Variants in CRTC3 observed in about 807,000 individuals in gnomAD.
The protein encoded by CRTC3 is CREB-regulated transcription coactivator 3.
CRTC3 carries 26 observed loss-of-function variants against 74.5 expected under a neutral mutation model. That is an observed-to-expected ratio of 0.35 (90% confidence interval 0.26 to 0.48). The LOEUF (loss-of-function observed/expected upper bound fraction) is 0.48, where lower values mean the gene tolerates loss of function less well. Among genes scored for constraint, CRTC3 ranks in the 20% least tolerant of loss-of-function variants. CRTC3 has a pLI of 0.99. For synonymous variants in CRTC3, 377 were observed against 325.8 expected (o/e 1.16, Z -1.69); for missense variants, 760 against 787.3 (o/e 0.97, Z 0.41).
chr15:90,629,604 T>C, intron 11 of CRTC3, 72 bp downstream of exon 11: 2 of 1,501,276 alleles, frequency 1.3e-6, no homozygotes, highest in Non-Finnish European at 1.8e-6. Flanking sequence ...ATTCCTCCTC[T>C]TTACTATTTT....
chr15:90,603,260 G>A lies in CRTC3; in HGVS notation c.413+875G>A, dbSNP rs189491601. Reference sequence around the variant, plus strand: ...AGATCGAGACCATCCTCGCTAACACGGTGAAACCCCGTCTCCACTAAAAAT... The same window carrying A: ...AGATCGAGACCATCCTCGCTAACACAGTGAAACCCCGTCTCCACTAAAAAT... On this transcript the variant is annotated intron_variant, in intron 4 of 14. Transcript: ENST00000268184. Among the ~76,000 whole-genome samples the A allele has an allele frequency of 5.8e-3, 868 of 149,328 alleles. 13 individuals carry two copies. Among genetic ancestry groups the A allele is most frequent in the African/African-American group, 0.019 (762 of 40,558 alleles).
intron 2 of CRTC3, among the ~76,000 whole-genome samples, chr15:90,548,510 T>C (rs533123904): frequency 2.6e-5 from 4 of 152,372 alleles, no homozygotes; most frequent in African/African-American, 9.6e-5. Flanking sequence ...ATCATGTCTT[T>C]GACTTCCAGT....
rs75300073 is a variant in CRTC3, at chr15:90,553,923, G to A, written c.231+13786G>A. 9.5e-3 allele frequency among the ~76,000 whole-genome samples: 1,443 copies of A among 152,272 alleles called. 20 individuals carry two copies. Among genetic ancestry groups the A allele is most frequent in the African/African-American group, 0.033 (1,376 of 41,534 alleles). ...GTACTAAAGTGACAACATATACTTT[G>A]CCTTAAAATATTATGGCAGAAGCTT... On this transcript the variant is annotated intron_variant, in intron 2 of 14. Coordinates refer to ENST00000268184, the MANE Select transcript of CRTC3 (RefSeq NM_022769.5).
At position 90,568,359 on chromosome 15, in the gene CRTC3, AT is replaced by A. The variant is rs962561542; in HGVS notation, c.232-25265del. On this transcript the variant is annotated intron_variant, in intron 2 of 14. Coordinates refer to ENST00000268184, the MANE Select transcript of CRTC3 (RefSeq NM_022769.5). ...GTAGAGTTCGAGAGGATTGACTCCAATTTTTTTTTTTTAAATAGTCTCGCTC... is the reference window on the plus strand; with the variant it reads ...GTAGAGTTCGAGAGGATTGACTCCAATTTTTTTTTTTAAATAGTCTCGCTC... 8.1e-3 allele frequency among the ~76,000 whole-genome samples: 1,202 copies of A among 148,760 alleles called. 15 individuals are homozygous for A. Among genetic ancestry groups the A allele is most frequent in the African/African-American group, 0.026 (1,039 of 40,710 alleles).
intron 13 of CRTC3, 68 bp downstream of exon 13, chr15:90,638,883 T>C: frequency 7.4e-7 from 1 of 1,352,962 alleles, no homozygotes; most frequent in Non-Finnish European, 1.1e-6. Flanking sequence ...GTTCATTCTG[T>C]AGAATTCAGA....
intron 7 of CRTC3, among the ~76,000 whole-genome samples, chr15:90,615,904 G>A (rs1968480623): frequency 6.6e-6 from 1 of 151,536 alleles, no homozygotes; most frequent in African/African-American, 2.4e-5. Flanking sequence ...CTGTCGCCAG[G>A]CTGGAGTGCA....
intron 1 of CRTC3, among the ~76,000 whole-genome samples, chr15:90,534,335 TGAGGCACATAAGTAGA>T (rs1966682308): frequency 6.6e-6 from 1 of 152,136 alleles, no homozygotes; most frequent in Non-Finnish European, 1.5e-5. Flanking sequence ...GAGGTGCCTG[TGAGGCACATAAGTAGA>T]GATGGTCCAG....
At position 90,644,207 on chromosome 15, in the gene CRTC3, A is replaced by G. The variant is rs1447911917; in HGVS notation, c.*2067A>G. On this transcript the variant is annotated 3_prime_UTR_variant, in exon 15 of 15. Coordinates refer to ENST00000268184, the MANE Select transcript of CRTC3 (RefSeq NM_022769.5). ...ACACTTTCAGATCCCTTTGTGCTCA[A>G]GATCTCAGAGGGGGTGGCTTTTTGT... is the stretch of plus-strand genomic sequence containing the variant. 9 of 228,326 alleles carry G rather than the reference A, an allele frequency of 3.9e-5. No individual in the cohort carries two copies. The highest frequency in any genetic ancestry group is 6.9e-5 in the Non-Finnish European group (8 of 115,134). 14.1% of individuals were successfully genotyped at this position (228,326 alleles called of 1,614,324 possible). A position where few individuals can be genotyped will look rare whatever the true frequency, so the allele number is the denominator to read the frequency against.
chr15:90,616,968 A>G (rs3809583), intron 7 of CRTC3, among the ~76,000 whole-genome samples: 44,746 of 151,768 alleles, frequency 0.29, 7,073 homozygotes, highest in East Asian at 0.55. Context: ...TCCCCATTTC[A>G]TCGTTGTTGC....
chr15:90,626,223 C>T (rs1274221797), intron 10 of CRTC3, among the ~76,000 whole-genome samples: 1 of 152,250 alleles, frequency 6.6e-6, no homozygotes, highest in Non-Finnish European at 1.5e-5. Context: ...ATCATCCTCA[C>T]TCGCTGCTCT....
Position 90,541,782 on chromosome 15 carries a change from C to CTTTTTTTTTTTTTTTTTTTTTTTTTT in CRTC3, c.231+1652_231+1653insTTTTTTTTTTTTTTTTTTTTTTTTTT, listed in dbSNP as rs11426969. Among the ~76,000 whole-genome samples, 2 of 120,100 alleles carry CTTTTTTTTTTTTTTTTTTTTTTTTTT rather than the reference C, an allele frequency of 1.7e-5. 1 individual carries two copies. Among genetic ancestry groups the CTTTTTTTTTTTTTTTTTTTTTTTTTT allele is most frequent in the African/African-American group, 6.5e-5 (2 of 30,998 alleles). 78.8% of individuals were successfully genotyped at this position (120,100 alleles called of 152,430 possible). On this transcript the variant is annotated intron_variant, in intron 2 of 14. Coordinates refer to ENST00000268184, the MANE Select transcript of CRTC3 (RefSeq NM_022769.5). ...GATAATCCTTGGCCTTCCCAGGATTCTTTTTTTCTTTTTTTTTTTTTGAGA... is the reference window on the plus strand; with the variant it reads ...GATAATCCTTGGCCTTCCCAGGATTCTTTTTTTTTTTTTTTTTTTTTTTTTTTTTTTTTCTTTTTTTTTTTTTGAGA...
intron 2 of CRTC3, among the ~76,000 whole-genome samples, chr15:90,578,493 A>T (rs911455178): frequency 1.3e-5 from 2 of 152,058 alleles, no homozygotes. Flanking sequence ...GACAGAGGGT[A>T]TAGTAAGCTG....
chr15:90,557,801 C>T (rs1025027350), intron 2 of CRTC3, among the ~76,000 whole-genome samples: 3 of 152,000 alleles, frequency 2.0e-5, no homozygotes, highest in African/African-American at 7.2e-5. Flanking sequence ...CTCAAGTCAC[C>T]ATTGCTGGCC....
chr15:90,602,781 C>G (rs947587182), intron 4 of CRTC3, among the ~76,000 whole-genome samples: 1 of 151,920 alleles, frequency 6.6e-6, no homozygotes, highest in South Asian at 2.1e-4. Context: ...TGAGACCATC[C>G]TGGCCAACAT....
chr15:90,584,481 C>T (rs1248439735), intron 2 of CRTC3, among the ~76,000 whole-genome samples: 1 of 152,194 alleles, frequency 6.6e-6, no homozygotes, highest in Non-Finnish European at 1.5e-5. Flanking sequence ...AGGTGATCCT[C>T]CCGCCTCAGC....
chr15:90,601,053 C>G (rs924603077), intron 3 of CRTC3, among the ~76,000 whole-genome samples: 4 of 152,122 alleles, frequency 2.6e-5, no homozygotes, highest in African/African-American at 9.7e-5. Flanking sequence ...AATTACTAAG[C>G]CAGTAAGTTT....
intron 2 of CRTC3, among the ~76,000 whole-genome samples, chr15:90,540,585 C>T (rs1266537770): frequency 6.6e-6 from 1 of 152,028 alleles, no homozygotes; most frequent in Non-Finnish European, 1.5e-5. Flanking sequence ...CCAGCCCGGT[C>T]AACATGGTGA....
At chr15:90,635,278 C>G (rs1567196262) in intron 11 of CRTC3, among the ~76,000 whole-genome samples, 1 of 152,018 alleles carries the variant, frequency 6.6e-6, no homozygotes, top group Non-Finnish European at 1.5e-5. Flanking sequence ...GGCAGGCCTG[C>G]TGAGTGTGGT....
chr15:90,619,877 G>C, intron 9 of CRTC3, 87 bp downstream of exon 9: 1 of 1,133,864 alleles, frequency 8.8e-7, no homozygotes, highest in Non-Finnish European at 1.3e-6. Context: ...AGAACTCTCA[G>C]AAACGTAACT....
Sources: allele counts gnomAD v4.1 joint callset (sites outside exome capture counted in the v4.1 genomes callset), GRCh38; gene constraint gnomAD v4.1.1; transcripts MANE v1.5; gene names NCBI Gene and HGNC (gene_info 2026-07-23, HGNC 2026-07-21).